The following CALN1 variants were observed in gnomAD, a reference collection of about 807,000 sequenced individuals.
CALN1 encodes the protein calneuron 1, also known as calcium-binding protein 8.
In CALN1, 17 loss-of-function variants were observed where a neutral mutation model predicts 30.6. The ratio of observed to expected loss-of-function variants is 0.56; its 90% CI spans 0.38 to 0.83. CALN1 has a LOEUF of 0.83. CALN1 is among the 40% of genes least tolerant of loss of function. The probability of loss-of-function intolerance (pLI) is 0.00; values close to 1 mark genes in which losing one functional copy is unlikely to be tolerated. For missense variants in CALN1, 291 were observed against 354.9 expected, an observed-to-expected ratio of 0.82 and a Z score of 1.45; for synonymous variants, 156 against 131.4, an observed-to-expected ratio of 1.19 and a Z score of -1.28.
At chr7:72,399,755 G>A (rs1443971737) in intron 2 of CALN1, among the ~76,000 whole-genome samples, 1 of 152,192 alleles carries the variant, frequency 6.6e-6, no homozygotes, top group Non-Finnish European at 1.5e-5. Context: ...TATAGCTTGG[G>A]TATTTGTCCC....
intron 5 of CALN1, among the ~76,000 whole-genome samples, chr7:71,952,224 C>T (rs1335835334): frequency 6.6e-6 from 1 of 152,224 alleles, no homozygotes; most frequent in Non-Finnish European, 1.5e-5. Flanking sequence ...GGTCACCTGG[C>T]AGGATCTTCC....
chr7:72,393,200 G>C (rs547204085), intron 2 of CALN1, among the ~76,000 whole-genome samples: 14 of 152,268 alleles, frequency 9.2e-5, no homozygotes, highest in African/African-American at 3.4e-4. Context: ...GGGCGCAGTG[G>C]CTCACACCTG....
At chr7:72,052,496 C>A (rs879844657) in intron 4 of CALN1, among the ~76,000 whole-genome samples, 1 of 151,872 alleles carries the variant, frequency 6.6e-6, no homozygotes, top group African/African-American at 2.4e-5. Flanking sequence ...ACTGACCACC[C>A]GAAGAAAATC....
intron 5 of CALN1, among the ~76,000 whole-genome samples, chr7:71,985,921 G>A (rs1369521901): frequency 6.6e-6 from 1 of 151,862 alleles, no homozygotes; most frequent in African/African-American, 2.4e-5. Flanking sequence ...AACATGACTT[G>A]TAATAATAAA....
intron 2 of CALN1, among the ~76,000 whole-genome samples, chr7:72,366,467 C>T (rs111890775): frequency 0.014 from 2,199 of 152,176 alleles, 56 homozygotes; most frequent in African/African-American, 0.05. Flanking sequence ...TGAGCTACAG[C>T]GCCTGATGTA....
At chr7:72,086,467 T>A (rs1020494054) in intron 4 of CALN1, among the ~76,000 whole-genome samples, 2 of 152,206 alleles carry the variant, frequency 1.3e-5, no homozygotes, top group Non-Finnish European at 2.9e-5. Flanking sequence ...GGAGTCTTGC[T>A]CTGTTGCCCA....
At chr7:72,382,176 C>A (rs1347888937) in intron 2 of CALN1, among the ~76,000 whole-genome samples, 1 of 152,168 alleles carries the variant, frequency 6.6e-6, no homozygotes, top group African/African-American at 2.4e-5. Flanking sequence ...CTGATGGGAG[C>A]ACTGTCCGTG....
intron 2 of CALN1, among the ~76,000 whole-genome samples, chr7:72,351,750 T>C (rs1234205027): frequency 6.6e-6 from 1 of 151,348 alleles, no homozygotes; most frequent in East Asian, 1.9e-4. Context: ...ACCAGAAAAG[T>C]CATGAAAAGG....
chr7:72,298,995 G>A (rs574313662), intron 2 of CALN1, among the ~76,000 whole-genome samples: 2 of 152,166 alleles, frequency 1.3e-5, no homozygotes, highest in Non-Finnish European at 2.9e-5. Flanking sequence ...TCTCTGGTAT[G>A]TCTTTATCAG....
intron 1 of CALN1, among the ~76,000 whole-genome samples, chr7:72,435,590 G>A (rs549074135): frequency 1.6e-4 from 25 of 152,290 alleles, no homozygotes; most frequent in Admixed American, 1.0e-3. Context: ...AGCAGCCAGC[G>A]CGGAGAGGCC....
intron 1 of CALN1, among the ~76,000 whole-genome samples, chr7:72,427,191 G>C (rs978563029): frequency 1.3e-5 from 2 of 152,074 alleles, no homozygotes; most frequent in Non-Finnish European, 2.9e-5. Context: ...TGCCAGGCTG[G>C]TCTCAAACTC....
chr7:72,503,746 C>G, the CALN1 span, among the ~76,000 whole-genome samples: 9 of 152,086 alleles, frequency 5.9e-5, no homozygotes, highest in Admixed American at 2.0e-4. Flanking sequence ...CACCTGGACT[C>G]AAATCCCAAA....
At position 71,782,869 on chromosome 7, in the gene CALN1, A is replaced by T. The variant is rs1792793057; in HGVS notation, c.*4906T>A. ...GTGATTCTCCCTCCTCAGCCTCCAG[A>T]GTAGCTAGGATTACAGGTGCCCGAC... is the stretch of plus-strand genomic sequence containing the variant. On this transcript the variant is annotated 3_prime_UTR_variant, in exon 7 of 7. Coordinates refer to ENST00000395275, the MANE Select transcript of CALN1 (RefSeq NM_031468.4). 6.6e-6 allele frequency: 1 copy of T among 151,868 alleles called. No individual in the cohort carries two copies. The highest frequency in any genetic ancestry group is 2.4e-5 in the African/African-American group (1 of 41,330). The allele number at this position is 151,868 out of a possible 1,614,324, so 9.4% of individuals were successfully genotyped here.
At chr7:71,943,927 C>A (rs572050775) in intron 5 of CALN1, among the ~76,000 whole-genome samples, 2 of 152,214 alleles carry the variant, frequency 1.3e-5, no homozygotes, top group African/African-American at 4.8e-5. Flanking sequence ...AATAAAATAA[C>A]CCAACAAGGT....
At chr7:72,378,675 TCC>T (rs1804708962) in intron 2 of CALN1, among the ~76,000 whole-genome samples, 2 of 111,924 alleles carry the variant, frequency 1.8e-5, no homozygotes, top group South Asian at 7.5e-4. Context: ...AATTTTTATT[TCC>T]ATCTGCCAAG....
At chr7:72,130,372 G>A (rs1165656097) in intron 3 of CALN1, among the ~76,000 whole-genome samples, 1 of 152,188 alleles carries the variant, frequency 6.6e-6, no homozygotes, top group Non-Finnish European at 1.5e-5. Context: ...GAAGCCAGAT[G>A]CAAACAGTGT....
Position 71,781,184 on chromosome 7 carries a change from G to C in CALN1, c.*6591C>G, listed in dbSNP as rs189876541. Reference sequence around the variant, plus strand: ...CAAAATAGATGGGAGGGCTTGTCTGGTTTACTTTTCCTCTGGCTTTAGAGA... The same window carrying C: ...CAAAATAGATGGGAGGGCTTGTCTGCTTTACTTTTCCTCTGGCTTTAGAGA... On this transcript the variant is annotated 3_prime_UTR_variant, in exon 7 of 7. Transcript: ENST00000395275. The C allele has an allele frequency of 6.6e-6, 1 of 152,300 alleles. No homozygotes were observed. Among genetic ancestry groups the C allele is most frequent in the East Asian group, 1.9e-4 (1 of 5,180 alleles). 9.4% of individuals were successfully genotyped at this position (152,300 alleles called of 1,614,324 possible). A position where few individuals can be genotyped will look rare whatever the true frequency, so the allele number is the denominator to read the frequency against.
intron 2 of CALN1, among the ~76,000 whole-genome samples, chr7:72,346,219 A>C (rs962071903): frequency 6.6e-6 from 1 of 152,212 alleles, no homozygotes; most frequent in Non-Finnish European, 1.5e-5. Context: ...AAAAATAAAC[A>C]TCAAACAGTT....
chr7:72,475,477 T>C, the CALN1 span, among the ~76,000 whole-genome samples: 1 of 151,940 alleles, frequency 6.6e-6, no homozygotes, highest in Non-Finnish European at 1.5e-5. Flanking sequence ...GAAAGTGAAG[T>C]TCAGAGAAAT....
Sources: gnomAD v4.1 joint callset for allele counts (sites outside exome capture counted in the v4.1 genomes callset) on GRCh38, gnomAD v4.1.1 for gene constraint, MANE v1.5 for transcripts, NCBI Gene and HGNC (gene_info 2026-07-23, HGNC 2026-07-21) for gene names.